Variants in OR11A1 observed in about 807,000 individuals in gnomAD.
OR11A1 encodes olfactory receptor family 11 subfamily A member 1, also known as olfactory receptor 11A1.
For synonymous variants in OR11A1, 158 were observed against 152.2 expected (o/e 1.04, Z -0.28); for missense variants, 380 against 378.2 (o/e 1.00, Z -0.04).
chr6:29,443,233 C>G (rs1193487479), intron 1 of OR11A1, among the ~76,000 whole-genome samples: 8 of 152,150 alleles, frequency 5.3e-5, no homozygotes, highest in African/African-American at 1.9e-4. Flanking sequence ...ATGAACATAT[C>G]CAGCCCCCGT....
At position 29,426,696 on chromosome 6, in the gene OR11A1, A is replaced by G; in HGVS notation, c.946T>C (p.Ter316ArgextTer53). Residue 316 changes from the stop codon to arginine, a stop_lost, in exon 5 of 5, where the codon TGA becomes CGA. Coordinates refer to ENST00000377149, the MANE Select transcript of OR11A1 (RefSeq NM_001394828.1). ...LCIKQTETLD[*>R] The stretch of plus-strand genomic sequence containing the variant: ...AATAACATCTTCATTACTCTCCTTC[A>G]ATCAAGTGTTTCAGTTTGTTTGATA... 1 of 1,605,898 alleles carries G rather than the reference A, an allele frequency of 6.2e-7. No individual in the cohort carries two copies. The highest frequency in any genetic ancestry group is 8.5e-7 in the Non-Finnish European group (1 of 1,175,778).
rs1417260733 is a variant in OR11A1, at chr6:29,457,020, T to C, written c.-422A>G. 1 of 152,230 alleles carries C rather than the reference T, an allele frequency of 6.6e-6. No homozygotes were observed. The highest frequency in any genetic ancestry group is 1.5e-5 in the Non-Finnish European group (1 of 68,056). The allele number at this position is 152,230 out of a possible 1,614,324, so 9.4% of individuals were successfully genotyped here. On this transcript the variant is annotated 5_prime_UTR_variant, in exon 1 of 5. Coordinates refer to ENST00000377149, the MANE Select transcript of OR11A1 (RefSeq NM_001394828.1). The stretch of plus-strand genomic sequence containing the variant: ...CCAGTCACATGTTGCACGTTTTTAG[T>C]AGGGAGCCTTAGTTTCTCCCCATAT...
intron 1 of OR11A1, 126 bp from the exon 2 acceptor site, chr6:29,432,113 C>G (rs1183347321): frequency 1.7e-6 from 1 of 582,036 alleles, no homozygotes; most frequent in African/African-American, 2.0e-5. Context: ...CATCGCAGTC[C>G]TTTCCCTCTA....
At chr6:29,456,387 G>A (rs1160931991) in intron 1 of OR11A1, among the ~76,000 whole-genome samples, 2 of 150,858 alleles carry the variant, frequency 1.3e-5, no homozygotes, top group Non-Finnish European at 3.0e-5. Flanking sequence ...GCGGGCGCCT[G>A]TAGTCCCAGC....
chr6:29,440,640 C>T (rs757905119), intron 1 of OR11A1: 2 of 1,614,126 alleles, frequency 1.2e-6, no homozygotes, highest in Non-Finnish European at 1.7e-6. Context: ...CATCCTCTGC[C>T]CCTTTGGCCT....
chr6:29,439,840 A>G, intron 1 of OR11A1: 1 of 606,684 alleles, frequency 1.6e-6, no homozygotes, highest in Non-Finnish European at 2.9e-6. Flanking sequence ...CAAGGGTGGA[A>G]TATGGACTCC....
In OR11A1 at chr6:29,426,714, G is replaced by T. The variant is rs763472471; in HGVS notation, c.928C>A (p.Gln310Lys). Residue 310 changes from glutamine (Q) to lysine (K), a missense_variant, in exon 5 of 5, where the codon CAA becomes AAA. Transcript: ENST00000377149. The stretch of plus-strand genomic sequence containing the variant: ...CTCCTTCAATCAAGTGTTTCAGTTT[G>T]TTTGATACAGAGAATCTTCCGAAGT... ...QALRKILCIK[Q>K]TETLD 1 of 1,611,054 alleles carries T rather than the reference G, an allele frequency of 6.2e-7. No homozygotes were observed.
intron 1 of OR11A1, among the ~76,000 whole-genome samples, chr6:29,446,285 G>A (rs1224992762): frequency 1.3e-5 from 2 of 152,046 alleles, no homozygotes; most frequent in Non-Finnish European, 2.9e-5. Flanking sequence ...TCTCACTGCA[G>A]CCCAGACCCA....
intron 3 of OR11A1, among the ~76,000 whole-genome samples, chr6:29,429,891 A>G (rs538849197): frequency 6.6e-6 from 1 of 152,294 alleles, no homozygotes; most frequent in Admixed American, 6.5e-5. Flanking sequence ...GCACAGCTGA[A>G]GGCTTTTAAA....
At chr6:29,439,675 T>A in intron 1 of OR11A1, 1 of 285,950 alleles carries the variant, frequency 3.5e-6, no homozygotes, top group Non-Finnish European at 6.4e-6. Flanking sequence ...CAGAAAAGAG[T>A]GAAAAGGGAG....
At chr6:29,436,040 G>C (rs997556952) in intron 1 of OR11A1, among the ~76,000 whole-genome samples, 22 of 152,134 alleles carry the variant, frequency 1.4e-4, no homozygotes, top group Non-Finnish European at 8.8e-5. Context: ...TTCATTATTT[G>C]TGGATTCAGT....
At chr6:29,455,894 A>AG (rs1786115807) in intron 1 of OR11A1, among the ~76,000 whole-genome samples, 2 of 146,796 alleles carry the variant, frequency 1.4e-5, no homozygotes, top group Non-Finnish European at 3.0e-5. Flanking sequence ...AAAAAAAAAA[A>AG]GGAAATCCTG....
intron 3 of OR11A1, among the ~76,000 whole-genome samples, chr6:29,429,672 C>T (rs1372664003): frequency 6.6e-6 from 1 of 152,046 alleles, no homozygotes; most frequent in African/African-American, 2.4e-5. Context: ...CACACTGAGG[C>T]AAGAAACAAC....
chr6:29,434,217 T>C (rs1321160568), intron 1 of OR11A1, among the ~76,000 whole-genome samples: 1 of 152,226 alleles, frequency 6.6e-6, no homozygotes, highest in African/African-American at 2.4e-5. Context: ...GATTTGAGGA[T>C]CATATACAAG....
chr6:29,447,020 T>A (rs1784843882), intron 1 of OR11A1, among the ~76,000 whole-genome samples: 1 of 152,192 alleles, frequency 6.6e-6, no homozygotes, highest in Non-Finnish European at 1.5e-5. Flanking sequence ...TTACTCAACT[T>A]TTCACGAGAA....
At chr6:29,440,745 C>G (rs1352722692) in intron 1 of OR11A1, 1 of 1,614,022 alleles carries the variant, frequency 6.2e-7, no homozygotes, top group South Asian at 1.1e-5. Flanking sequence ...CTCCTCCCAC[C>G]TGATCATGGT....
At chr6:29,448,009 T>TC (rs1221236405) in intron 1 of OR11A1, among the ~76,000 whole-genome samples, 1 of 130,330 alleles carries the variant, frequency 7.7e-6, no homozygotes, top group African/African-American at 2.9e-5. Flanking sequence ...CATGACCCTT[T>TC]CTTTTTTTTT....
intron 3 of OR11A1, among the ~76,000 whole-genome samples, chr6:29,429,310 T>C (rs943092963): frequency 6.6e-6 from 1 of 152,138 alleles, no homozygotes; most frequent in African/African-American, 2.4e-5. Flanking sequence ...TAACGTTAAA[T>C]CCTCGAAGAC....
At chr6:29,446,267 T>C (rs1481167879) in intron 1 of OR11A1, among the ~76,000 whole-genome samples, 2 of 152,186 alleles carry the variant, frequency 1.3e-5, no homozygotes, top group African/African-American at 2.4e-5. Flanking sequence ...CTCTTCATTC[T>C]CCTTCATTCT....
Sources: allele counts gnomAD v4.1 joint callset (sites outside exome capture counted in the v4.1 genomes callset), GRCh38; gene constraint gnomAD v4.1.1; transcripts MANE v1.5; gene names NCBI Gene and HGNC (gene_info 2026-07-23, HGNC 2026-07-21).